RIC8B: variants seen among roughly 807,000 people sequenced by gnomAD.
RIC8B encodes chaperone Ric-8B.
Under a neutral mutation model 57.5 loss-of-function variants are expected in RIC8B, and 16 were observed. That is an observed-to-expected ratio of 0.28 (90% CI 0.19 to 0.42). RIC8B has a LOEUF of 0.42. RIC8B is among the 10% of genes least tolerant of loss of function. The pLI, the probability that RIC8B is intolerant of heterozygous loss-of-function variation, is 1.00. For missense variants in RIC8B, 481 were observed against 677.0 expected (o/e 0.71, Z 3.21); for synonymous variants, 216 against 250.8 (o/e 0.86, Z 1.31).
chr12:106,835,359 A>G (rs1566108949), intron 4 of RIC8B, among the ~76,000 whole-genome samples: 1 of 152,182 alleles, frequency 6.6e-6, no homozygotes, highest in African/African-American at 2.4e-5. Context: ...TCAGTTCCCC[A>G]CAAGTACCAT....
Position 106,809,306 on chromosome 12 carries a change from C to T in RIC8B, c.133-5390C>T, listed in dbSNP as rs1190984515. Among the ~76,000 whole-genome samples, 5 of 152,002 alleles carry T rather than the reference C, an allele frequency of 3.3e-5. No homozygotes were observed. In the East Asian group the frequency reaches 7.7e-4, roughly 23 times the overall value. On this transcript the variant is annotated intron_variant, in intron 2 of 9. Transcript: ENST00000392837. ...TGGGAGGCCGAGGTGGGAGGATCACCTGAGGTCAGGAGTTTGAGACCAGCC... is the reference window on the plus strand; with the variant it reads ...TGGGAGGCCGAGGTGGGAGGATCACTTGAGGTCAGGAGTTTGAGACCAGCC...
chr12:106,847,443 G>A (rs1431136615), intron 6 of RIC8B, among the ~76,000 whole-genome samples: 1 of 152,142 alleles, frequency 6.6e-6, no homozygotes, highest in Non-Finnish European at 1.5e-5. Flanking sequence ...TTCTAGAAAT[G>A]GGAGACGTAC....
intron 2 of RIC8B, among the ~76,000 whole-genome samples, chr12:106,785,311 C>T (rs989764332): frequency 5.9e-5 from 9 of 152,172 alleles, no homozygotes; most frequent in African/African-American, 2.2e-4. Flanking sequence ...CCCTCTTGTA[C>T]ACCTCTTCTT....
At position 106,886,080 on chromosome 12, in the gene RIC8B, A is replaced by G. The variant is rs1239464320; in HGVS notation, c.*65A>G. On this transcript the variant is annotated 3_prime_UTR_variant, in exon 10 of 10. Coordinates refer to ENST00000392837, the MANE Select transcript of RIC8B (RefSeq NM_001330145.2). ...ATCTTTTCTCTGTAGCTCCAGGGGA[A>G]TCTTTTCTCTAAAACATTTATGCCC... 3.5e-6 allele frequency: 4 copies of G among 1,130,624 alleles called. No homozygotes were observed. In the African/African-American group the frequency reaches 4.6e-5, roughly 13 times the overall value. The allele number at this position is 1,130,624 out of a possible 1,614,324, so 70.0% of individuals were successfully genotyped here. A position where few individuals can be genotyped will look rare whatever the true frequency, so the allele number is the denominator to read the frequency against.
chr12:106,806,012 C>A (rs112707015), intron 2 of RIC8B, among the ~76,000 whole-genome samples: 1 of 152,040 alleles, frequency 6.6e-6, no homozygotes, highest in Non-Finnish European at 1.5e-5. Context: ...TGCAATGGTG[C>A]GATCTCGGCT....
chr12:106,814,295 ATAT>A (rs1458475954), intron 2 of RIC8B, among the ~76,000 whole-genome samples: 2 of 152,196 alleles, frequency 1.3e-5, no homozygotes. Flanking sequence ...TGATGATTAA[ATAT>A]TATTAGATCT....
At chr12:106,785,160 T>A (rs1317143386) in intron 2 of RIC8B, among the ~76,000 whole-genome samples, 1 of 152,224 alleles carries the variant, frequency 6.6e-6, no homozygotes, top group African/African-American at 2.4e-5. Context: ...TATGCCTACT[T>A]TCGCAGCTTA....
chr12:106,839,885 G>C (rs2046790820), intron 4 of RIC8B, among the ~76,000 whole-genome samples: 1 of 152,030 alleles, frequency 6.6e-6, no homozygotes, highest in Non-Finnish European at 1.5e-5. Context: ...GGGCATGGTG[G>C]CGTGTGCGTG....
intron 2 of RIC8B, among the ~76,000 whole-genome samples, chr12:106,799,477 C>T (rs1044116043): frequency 3.9e-5 from 6 of 151,914 alleles, no homozygotes; most frequent in African/African-American, 1.2e-4. Context: ...ATTACCTAGC[C>T]ACAGGGGCAG....
intron 2 of RIC8B, among the ~76,000 whole-genome samples, chr12:106,803,894 A>G (rs1230158463): frequency 6.6e-6 from 1 of 152,214 alleles, no homozygotes; most frequent in Non-Finnish European, 1.5e-5. Context: ...CTTACTGTGT[A>G]CCATCATTTC....
intron 1 of RIC8B, among the ~76,000 whole-genome samples, chr12:106,777,350 G>A (rs952101515): frequency 6.6e-6 from 1 of 151,984 alleles, no homozygotes; most frequent in Non-Finnish European, 1.5e-5. Flanking sequence ...ATGGGGAGGT[G>A]GAATTAAATT....
rs550316469 is a variant in RIC8B at position 106,777,209 on chromosome 12, A to G, written c.84+2380A>G. 7.2e-5 allele frequency among the ~76,000 whole-genome samples: 11 copies of G among 152,302 alleles called. No homozygotes were observed. The South Asian group carries it at 2.3e-3, about 32-fold the overall frequency. On this transcript the variant is annotated intron_variant, in intron 1 of 9. Coordinates refer to ENST00000392837, the MANE Select transcript of RIC8B (RefSeq NM_001330145.2). ...CTGACTGTAGTAGGGCCAGTATAGTAGGGCTGATTATAATACAAAGAAAAT... is the reference window on the plus strand; with the variant it reads ...CTGACTGTAGTAGGGCCAGTATAGTGGGGCTGATTATAATACAAAGAAAAT...
rs145354368 is a variant in RIC8B, at chr12:106,818,312, G to A, written c.741+3008G>A. Among the ~76,000 whole-genome samples the A allele has an allele frequency of 4.0e-3, 602 of 151,858 alleles. 9 individuals carry two copies. The highest frequency in any genetic ancestry group is 0.014 in the African/African-American group (578 of 41,406). On this transcript the variant is annotated intron_variant, in intron 3 of 9. Transcript: ENST00000392837. ...CTCTGGAGTAGCTGGGATTACAGGC[G>A]TGCGCCACCATGCCTGGCTAATTTT...
chr12:106,810,430 A>T (rs371738410), intron 2 of RIC8B, among the ~76,000 whole-genome samples: 1 of 152,180 alleles, frequency 6.6e-6, no homozygotes, highest in East Asian at 1.9e-4. Context: ...AGCTTTTAGT[A>T]GTTGAGGCAA....
At chr12:106,789,466 G>A (rs2044175267) in intron 2 of RIC8B, among the ~76,000 whole-genome samples, 1 of 152,088 alleles carries the variant, frequency 6.6e-6, no homozygotes, top group African/African-American at 2.4e-5. Flanking sequence ...AGACATACCC[G>A]AGACTGGGAA....
At chr12:106,885,434 C>T (rs1293796825) in intron 9 of RIC8B, among the ~76,000 whole-genome samples, 1 of 152,106 alleles carries the variant, frequency 6.6e-6, no homozygotes, top group Non-Finnish European at 1.5e-5. Flanking sequence ...TCACTAGAGA[C>T]TGAGGCAAAA....
chr12:106,873,710 G>C (rs1950544915), intron 9 of RIC8B, among the ~76,000 whole-genome samples: 1 of 152,136 alleles, frequency 6.6e-6, no homozygotes, highest in South Asian at 2.1e-4. Flanking sequence ...ATCTAGTCTA[G>C]AATACAAGGT....
intron 2 of RIC8B, among the ~76,000 whole-genome samples, chr12:106,804,219 CTT>C (rs398039963): frequency 5.6e-5 from 8 of 143,398 alleles, no homozygotes; most frequent in Non-Finnish European, 7.6e-5. Flanking sequence ...TCCTTTCTTT[CTT>C]TTTTTTTTTT....
chr12:106,829,685 G>A (rs1224332484), intron 4 of RIC8B, among the ~76,000 whole-genome samples: 9 of 152,012 alleles, frequency 5.9e-5, no homozygotes, highest in African/African-American at 2.2e-4. Flanking sequence ...ACAATTTGGT[G>A]GTTCTATTTA....
Sources: allele counts gnomAD v4.1 joint callset (sites outside exome capture counted in the v4.1 genomes callset), GRCh38; gene constraint gnomAD v4.1.1; transcripts MANE v1.5; gene names NCBI Gene and HGNC (gene_info 2026-07-23, HGNC 2026-07-21).